Variants in ARID1B observed in about 807,000 individuals in gnomAD.
The protein encoded by ARID1B is AT-rich interactive domain-containing protein 1B.
A neutral mutation model predicts 212.3 loss-of-function variants in ARID1B; 30 were observed. The observed-to-expected ratio is 0.14, with a 90% CI of 0.11 to 0.19. ARID1B has a LOEUF of 0.19. ARID1B is among the 10% of genes least tolerant of loss of function. The probability of loss-of-function intolerance (pLI) is 1.00; values close to 1 mark genes in which losing one functional copy is unlikely to be tolerated. For missense variants in ARID1B, 2,891 were observed against 3,204.0 expected (o/e 0.90, Z 2.36); for synonymous variants, 1,402 against 1,301.7 (o/e 1.08, Z -1.66).
At position 157,082,532 on chromosome 6, in the gene ARID1B, A is replaced by T. The variant is rs560742545; in HGVS notation, c.2248-2130A>T. The stretch of plus-strand genomic sequence containing the variant: ...GAATTCTAACAATCGGATTGAATTT[A>T]CTTAATTTTATTTTGGATTTTTTCT... On this transcript the variant is annotated intron_variant, in intron 4 of 19. Transcript: ENST00000636930. 2.8e-3 allele frequency among the ~76,000 whole-genome samples: 427 copies of T among 152,286 alleles called. 3 individuals are homozygous for T. Among genetic ancestry groups the T allele is most frequent in the African/African-American group, 0.01 (419 of 41,558 alleles).
At chr6:156,867,284 G>T (rs1785770102) in intron 2 of ARID1B, among the ~76,000 whole-genome samples, 1 of 152,224 alleles carries the variant, frequency 6.6e-6, no homozygotes, top group African/African-American at 2.4e-5. Context: ...GGTACTGGCG[G>T]CAGTCCTGTG....
chr6:156,901,106 C>T (rs1462595975), intron 2 of ARID1B, among the ~76,000 whole-genome samples: 3 of 152,098 alleles, frequency 2.0e-5, no homozygotes, highest in East Asian at 1.9e-4. Context: ...TTAGCACTTC[C>T]TCCCCTCTCC....
At chr6:156,944,991 C>T (rs548059580) in intron 4 of ARID1B, among the ~76,000 whole-genome samples, 38 of 148,236 alleles carry the variant, frequency 2.6e-4, no homozygotes, top group African/African-American at 7.7e-4. Context: ...GGCTCGATCT[C>T]GGCTCACTGC....
rs141419401 is a variant in ARID1B at position 157,039,980 on chromosome 6, T to A, written c.2248-44682T>A. Among the ~76,000 whole-genome samples the A allele has an allele frequency of 4.3e-3, 643 of 151,260 alleles. 4 individuals carry two copies. The highest frequency in any genetic ancestry group is 0.015 in the African/African-American group (613 of 41,064). ...TTTTTTTTCTTTCCAAGACGGAGTC[T>A]CGCTTTGTCGCCAGGCTAGAGTTCA... On this transcript the variant is annotated intron_variant, in intron 4 of 19. Transcript: ENST00000636930.
At chr6:156,924,645 A>G (rs1562487928) in intron 3 of ARID1B, among the ~76,000 whole-genome samples, 1 of 152,198 alleles carries the variant, frequency 6.6e-6, no homozygotes, top group East Asian at 1.9e-4. Context: ...ACCACAGTTG[A>G]CCATGGGTAA....
intron 7 of ARID1B, among the ~76,000 whole-genome samples, chr6:157,144,992 G>A (rs901789627): frequency 7.9e-5 from 12 of 152,154 alleles, no homozygotes; most frequent in Admixed American, 4.6e-4. Flanking sequence ...CAATAAAAAA[G>A]CTAATGGCGT....
chr6:157,020,697 T>C (rs900921049), intron 4 of ARID1B, among the ~76,000 whole-genome samples: 7 of 152,194 alleles, frequency 4.6e-5, no homozygotes, highest in Admixed American at 4.6e-4. Flanking sequence ...TTCCTCAAAA[T>C]TATGCTTCTC....
At chr6:157,032,395 T>A (rs1781072179) in intron 4 of ARID1B, among the ~76,000 whole-genome samples, 1 of 152,206 alleles carries the variant, frequency 6.6e-6, no homozygotes, top group South Asian at 2.1e-4. Context: ...GTGGTACACA[T>A]GCTTAATATA....
At chr6:157,136,681 G>A (rs1788933466) in intron 7 of ARID1B, among the ~76,000 whole-genome samples, 1 of 152,112 alleles carries the variant, frequency 6.6e-6, no homozygotes, top group Non-Finnish European at 1.5e-5. Context: ...GGGCAACATG[G>A]TGAAACACTG....
chr6:156,787,573 C>G (rs1779586652), intron 1 of ARID1B, among the ~76,000 whole-genome samples: 2 of 152,052 alleles, frequency 1.3e-5, no homozygotes, highest in Non-Finnish European at 2.9e-5. Context: ...AGCTACACAC[C>G]CATTTTAATG....
chr6:157,150,160 C>T (rs141900751), intron 8 of ARID1B: 147 of 152,178 alleles, frequency 9.7e-4, no homozygotes, highest in African/African-American at 3.4e-3. Flanking sequence ...ACTCATAAAG[C>T]GCAAGTTATT....
intron 2 of ARID1B, among the ~76,000 whole-genome samples, chr6:156,882,651 A>G (rs1180245670): frequency 6.6e-6 from 1 of 152,118 alleles, no homozygotes; most frequent in Non-Finnish European, 1.5e-5. Context: ...ACTCTTAGAC[A>G]TTTTTCTGTG....
intron 4 of ARID1B, among the ~76,000 whole-genome samples, chr6:156,960,186 C>T (rs1489015323): frequency 6.6e-6 from 1 of 152,150 alleles, no homozygotes; most frequent in African/African-American, 2.4e-5. Context: ...ACCTCGGCCT[C>T]CCACAGTGCT....
chr6:156,928,195 C>T (rs577426093), intron 3 of ARID1B, among the ~76,000 whole-genome samples: 4 of 152,252 alleles, frequency 2.6e-5, no homozygotes, highest in Admixed American at 2.6e-4. Flanking sequence ...TCTTCTGAGC[C>T]CAGACTGGGA....
chr6:157,099,017 G>A (rs533984339), intron 5 of ARID1B, among the ~76,000 whole-genome samples: 10 of 152,064 alleles, frequency 6.6e-5, no homozygotes, highest in African/African-American at 1.2e-4. Flanking sequence ...AGGCTGGGGC[G>A]CAGTGGCATG....
intron 4 of ARID1B, chr6:156,935,878 G>T: frequency 3.4e-6 from 1 of 292,584 alleles, no homozygotes; most frequent in Non-Finnish European, 6.4e-6. Context: ...TCTTTAGGCT[G>T]TTGCTTTTTG....
intron 7 of ARID1B, among the ~76,000 whole-genome samples, chr6:157,133,847 T>C (rs142746344): frequency 6.6e-6 from 1 of 152,338 alleles, no homozygotes; most frequent in African/African-American, 2.4e-5. Context: ...TTCCTGGAAG[T>C]GGATGTAGGT....
intron 3 of ARID1B, among the ~76,000 whole-genome samples, chr6:156,931,961 T>TAAA (rs56102774): frequency 6.2e-5 from 6 of 97,412 alleles, no homozygotes; most frequent in Admixed American, 2.2e-4. Context: ...GATTCCGTCT[T>TAAA]AAAAAAAAAA....
At chr6:157,087,929 A>G (rs1392781096) in intron 5 of ARID1B, among the ~76,000 whole-genome samples, 2 of 152,318 alleles carry the variant, frequency 1.3e-5, no homozygotes, top group East Asian at 3.9e-4. Context: ...GTCTCTACAC[A>G]TGAAAATTTT....
Sources: allele counts gnomAD v4.1 joint callset (sites outside exome capture counted in the v4.1 genomes callset), GRCh38; gene constraint gnomAD v4.1.1; transcripts MANE v1.5; gene names NCBI Gene and HGNC (gene_info 2026-07-23, HGNC 2026-07-21).